The following FARS2 variants were observed in gnomAD, a reference collection of about 807,000 sequenced individuals.
FARS2 encodes the protein phenylalanyl-tRNA synthetase 2, mitochondrial.
A neutral mutation model predicts 46.4 loss-of-function variants in FARS2; 40 were observed. That is an observed-to-expected ratio of 0.86 (90% CI 0.67 to 1.12). FARS2 has a LOEUF of 1.12. Among genes scored for constraint, FARS2 ranks in the 50% most tolerant of loss-of-function variants. The pLI, the probability that FARS2 is intolerant of heterozygous loss-of-function variation, is 0.00. For missense variants in FARS2, 513 were observed against 567.9 expected (o/e 0.90, Z 0.98); for synonymous variants, 234 against 214.9 (o/e 1.09, Z -0.78).
intron 2 of FARS2, among the ~76,000 whole-genome samples, chr6:5,397,363 A>G (rs1214522778): frequency 6.6e-6 from 1 of 152,178 alleles, no homozygotes; most frequent in Non-Finnish European, 1.5e-5. Flanking sequence ...TGATACTATA[A>G]TGGTGGATGT....
intron 5 of FARS2, among the ~76,000 whole-genome samples, chr6:5,545,914 G>T (rs1561702493): frequency 6.6e-6 from 1 of 152,098 alleles, no homozygotes. Flanking sequence ...GATCACCTGA[G>T]GTCAAGAGTT....
At chr6:5,612,418 C>T (rs1167999556) in intron 5 of FARS2, among the ~76,000 whole-genome samples, 1 of 152,104 alleles carries the variant, frequency 6.6e-6, no homozygotes, top group Non-Finnish European at 1.5e-5. Flanking sequence ...AAAACATACA[C>T]ACATATATCT....
intron 6 of FARS2, among the ~76,000 whole-genome samples, chr6:5,675,199 GAC>G (rs3057239): frequency 0.47 from 68,418 of 144,672 alleles, 16,960 homozygotes; most frequent in East Asian, 0.71. Context: ...TTTGCAGATA[GAC>G]ACACACACAC....
chr6:5,354,782 G>A (rs1202414891), intron 1 of FARS2, among the ~76,000 whole-genome samples: 1 of 152,050 alleles, frequency 6.6e-6, no homozygotes, highest in East Asian at 1.9e-4. Context: ...CAAAGTGCTG[G>A]GATTACAGGT....
At chr6:5,572,238 C>A (rs539596064) in intron 5 of FARS2, among the ~76,000 whole-genome samples, 9 of 152,040 alleles carry the variant, frequency 5.9e-5, no homozygotes, top group Non-Finnish European at 1.2e-4. Context: ...AAGCTTACAG[C>A]CATGGCGGAA....
intron 5 of FARS2, among the ~76,000 whole-genome samples, chr6:5,566,768 C>A (rs144805248): frequency 1.3e-5 from 2 of 152,306 alleles, no homozygotes; most frequent in East Asian, 3.9e-4. Flanking sequence ...TCCCTTGTTA[C>A]TTGACTTTAG....
chr6:5,391,393 C>T (rs1223999903), intron 2 of FARS2, among the ~76,000 whole-genome samples: 1 of 152,168 alleles, frequency 6.6e-6, no homozygotes, highest in Non-Finnish European at 1.5e-5. Flanking sequence ...GATAAGCACT[C>T]AGCAAGGTAG....
At chr6:5,666,747 T>G (rs1778143599) in intron 6 of FARS2, among the ~76,000 whole-genome samples, 1 of 152,156 alleles carries the variant, frequency 6.6e-6, no homozygotes, top group South Asian at 2.1e-4. Flanking sequence ...GAATATAAAT[T>G]GTTCTATTAT....
chr6:5,379,857 A>C (rs1759639305), intron 2 of FARS2, among the ~76,000 whole-genome samples: 1 of 152,168 alleles, frequency 6.6e-6, no homozygotes, highest in South Asian at 2.1e-4. Context: ...CTACTGACAA[A>C]GTTTAGCATT....
At chr6:5,360,302 C>T (rs1758218006) in intron 1 of FARS2, among the ~76,000 whole-genome samples, 1 of 152,096 alleles carries the variant, frequency 6.6e-6, no homozygotes, top group South Asian at 2.1e-4. Context: ...TTCATTCATT[C>T]ATTCATGGAA....
intron 1 of FARS2, among the ~76,000 whole-genome samples, chr6:5,356,730 A>G (rs1757956304): frequency 6.6e-6 from 1 of 151,990 alleles, no homozygotes; most frequent in Non-Finnish European, 1.5e-5. Flanking sequence ...AGAGGCTCGC[A>G]GGAAACCAAC....
In FARS2 at chr6:5,630,416, T is replaced by TCCCAC. The variant is rs1367680527; in HGVS notation, c.1217+17099_1217+17103dup. ...TTGGATGATCATGTTTCTTTAAATA[T>TCCCAC]CCCACCCGTTGTGTCTTTACTTGTA... On this transcript the variant is annotated intron_variant, in intron 6 of 6. Transcript: ENST00000274680. The surrounding 1 kb of genome is among the most constrained non-coding windows in gnomAD (Gnocchi z 4.2). 6.6e-6 allele frequency among the ~76,000 whole-genome samples: 1 copy of TCCCAC among 152,226 alleles called. No homozygotes were observed. Among genetic ancestry groups the TCCCAC allele is most frequent in the Non-Finnish European group, 1.5e-5 (1 of 68,038 alleles).
At chr6:5,315,761 T>TCTTCCTTTCTTTC (rs1561952069) in intron 1 of FARS2, among the ~76,000 whole-genome samples, 2 of 132,624 alleles carry the variant, frequency 1.5e-5, no homozygotes, top group African/African-American at 3.1e-5. Context: ...TTTCTTTCTT[T>TCTTCCTTTCTTTC]TTTTTGGGGA....
At chr6:5,253,590 A>T in the FARS2 span, among the ~76,000 whole-genome samples, 1 of 152,190 alleles carries the variant, frequency 6.6e-6, no homozygotes, top group Non-Finnish European at 1.5e-5. Context: ...AACTGCTAAC[A>T]AAGGTACAGT....
intron 1 of FARS2, among the ~76,000 whole-genome samples, chr6:5,279,388 G>A (rs4053248): frequency 0.032 from 4,342 of 133,694 alleles, 454 homozygotes; most frequent in African/African-American, 0.1. Context: ...AAAAAAAAAA[G>A]AAAAAGAAAA....
At position 5,375,693 on chromosome 6, in the gene FARS2, T is replaced by G. The variant is rs374242948; in HGVS notation, c.612+6511T>G. The stretch of plus-strand genomic sequence containing the variant: ...GCTCTACTTCATATTTGAGAACTTA[T>G]GAAATATAAGTGATATTTCATATCA... On this transcript the variant is annotated intron_variant, in intron 2 of 6. Coordinates refer to ENST00000274680, the MANE Select transcript of FARS2 (RefSeq NM_006567.5). Among the ~76,000 whole-genome samples the G allele has an allele frequency of 3.7e-4, 57 of 152,206 alleles. No individual in the cohort carries two copies. The South Asian group carries it at 9.3e-3, about 25-fold the overall frequency.
At chr6:5,441,214 G>A (rs1466378596) in intron 4 of FARS2, among the ~76,000 whole-genome samples, 1 of 151,938 alleles carries the variant, frequency 6.6e-6, no homozygotes, top group Non-Finnish European at 1.5e-5. Flanking sequence ...GAGCCACTGC[G>A]CCCAGCCACT....
chr6:5,354,179 A>G (rs1246011973), intron 1 of FARS2, among the ~76,000 whole-genome samples: 1 of 152,112 alleles, frequency 6.6e-6, no homozygotes, highest in African/African-American at 2.4e-5. Flanking sequence ...ACCAGACACC[A>G]TATTCTCTAG....
At chr6:5,321,027 C>G (rs563639570) in intron 1 of FARS2, among the ~76,000 whole-genome samples, 4 of 152,174 alleles carry the variant, frequency 2.6e-5, no homozygotes, top group Non-Finnish European at 5.9e-5. Context: ...AGATTCATCT[C>G]TCAACTATAT....
Sources: gnomAD v4.1 joint callset for allele counts (sites outside exome capture counted in the v4.1 genomes callset) on GRCh38, gnomAD v4.1.1 for gene constraint, Gnocchi (gnomAD v3.1) non-coding constraint, MANE v1.5 for transcripts, NCBI Gene and HGNC (gene_info 2026-07-23, HGNC 2026-07-21) for gene names.